The following NCK2 variants were observed in gnomAD, a reference collection of about 807,000 sequenced individuals.
The protein encoded by NCK2 is cytoplasmic protein NCK2.
A neutral mutation model predicts 33.9 loss-of-function variants in NCK2; 16 were observed. The ratio of observed to expected loss-of-function variants is 0.47; its 90% CI spans 0.32 to 0.72. The LOEUF (loss-of-function observed/expected upper bound fraction) is 0.72. NCK2 is among the 30% of genes least tolerant of loss of function. NCK2 has a pLI of 0.03. For synonymous variants in NCK2, 273 were observed against 239.9 expected (o/e 1.14, Z -1.27); for missense variants, 418 against 537.3 (o/e 0.78, Z 2.19).
chr2:105,814,112 A>G (rs1279425965), intron 1 of NCK2, among the ~76,000 whole-genome samples: 1 of 152,232 alleles, frequency 6.6e-6, no homozygotes, highest in East Asian at 1.9e-4. Flanking sequence ...GATTTCGATC[A>G]CTGATTATAA....
intron 1 of NCK2, among the ~76,000 whole-genome samples, chr2:105,757,768 T>G (rs1246814497): frequency 6.6e-6 from 1 of 152,206 alleles, no homozygotes; most frequent in Non-Finnish European, 1.5e-5. Context: ...GAAGTCCCCC[T>G]CTAACCTCTA....
intron 2 of NCK2, among the ~76,000 whole-genome samples, chr2:105,834,559 T>A (rs1676317098): frequency 6.6e-6 from 1 of 152,204 alleles, no homozygotes; most frequent in Non-Finnish European, 1.5e-5. Context: ...GTAATGTTTT[T>A]TGTAAGCAGC....
intron 2 of NCK2, among the ~76,000 whole-genome samples, chr2:105,849,747 C>T (rs1325999851): frequency 1.3e-5 from 2 of 152,160 alleles, no homozygotes; most frequent in East Asian, 1.9e-4. Context: ...GCCTGTCTTA[C>T]TCTGCAAGGA....
At chr2:105,747,286 A>C (rs1689316678) in intron 1 of NCK2, among the ~76,000 whole-genome samples, 1 of 152,252 alleles carries the variant, frequency 6.6e-6, no homozygotes, top group East Asian at 1.9e-4. Flanking sequence ...TGAGAAATGC[A>C]CTACCATCCA....
At chr2:105,835,645 T>C (rs955013829) in intron 2 of NCK2, among the ~76,000 whole-genome samples, 1 of 151,532 alleles carries the variant, frequency 6.6e-6, no homozygotes, top group African/African-American at 2.4e-5. Flanking sequence ...TTAAGGATCT[T>C]AGAGTTTCCT....
intron 2 of NCK2, among the ~76,000 whole-genome samples, chr2:105,836,794 G>A (rs1444777887): frequency 6.6e-6 from 1 of 152,132 alleles, no homozygotes; most frequent in Admixed American, 6.5e-5. Flanking sequence ...AGATGCTGGG[G>A]CCCCTAGGAG....
intron 1 of NCK2, among the ~76,000 whole-genome samples, chr2:105,780,325 T>TACACACACACAC (rs57857814): frequency 1.4e-5 from 2 of 147,362 alleles, no homozygotes; most frequent in Non-Finnish European, 3.0e-5. Flanking sequence ...GAGAGATATA[T>TACACACACACAC]ACACACACAC....
At chr2:105,882,355 C>T (rs1678541522) in intron 4 of NCK2, among the ~76,000 whole-genome samples, 1 of 152,174 alleles carries the variant, frequency 6.6e-6, no homozygotes, top group African/African-American at 2.4e-5. Context: ...ATTTTCTCTC[C>T]TGGTTGCCCA....
chr2:105,803,921 G>A (rs1348036984), intron 1 of NCK2, among the ~76,000 whole-genome samples: 1 of 152,158 alleles, frequency 6.6e-6, no homozygotes, highest in Non-Finnish European at 1.5e-5. Flanking sequence ...CCTGGTTCTG[G>A]CTGTTGCATG....
chr2:105,771,404 T>C (rs1690132200), intron 1 of NCK2, among the ~76,000 whole-genome samples: 2 of 151,628 alleles, frequency 1.3e-5, no homozygotes, highest in African/African-American at 4.8e-5. Flanking sequence ...CCGTTTCTAT[T>C]AAAAATATAA....
rs559972915 is a variant in NCK2 at position 105,747,990 on chromosome 2, C to T, written c.-201+2852C>T. 5.3e-5 allele frequency among the ~76,000 whole-genome samples: 8 copies of T among 152,294 alleles called. No homozygotes were observed. The East Asian group carries it at 1.2e-3, about 22-fold the overall frequency. On this transcript the variant is annotated intron_variant, in intron 1 of 4. Transcript: ENST00000233154. ...TCCTGCATTTTCCTTTGAACATTTC[C>T]CAAAGTATGTTTATTTCTAAAGGTA...
intron 2 of NCK2, among the ~76,000 whole-genome samples, chr2:105,833,847 T>C (rs1246172568): frequency 6.6e-6 from 1 of 152,246 alleles, no homozygotes; most frequent in African/African-American, 2.4e-5. Context: ...TTTGGTATAC[T>C]GTGTTTCCAT....
Position 105,787,098 on chromosome 2 carries a change from A to G in NCK2, c.-200-29332A>G, listed in dbSNP as rs577852436. On this transcript the variant is annotated intron_variant, in intron 1 of 4. Coordinates refer to ENST00000233154, the MANE Select transcript of NCK2 (RefSeq NM_003581.5). ...CTCTGCCCGCTGCAGGCGTGGTGGC[A>G]CTGGGCAGCTGCTGTTACTCCCACT... Among the ~76,000 whole-genome samples the G allele has an allele frequency of 8.0e-4, 122 of 152,316 alleles. 1 individual carries two copies. The highest frequency in any genetic ancestry group is 2.9e-3 in the African/African-American group (121 of 41,566).
At chr2:105,887,647 TA>T (rs1264799379) in intron 4 of NCK2, among the ~76,000 whole-genome samples, 1 of 152,200 alleles carries the variant, frequency 6.6e-6, no homozygotes, top group Non-Finnish European at 1.5e-5. Context: ...AAAATCGCAT[TA>T]ATACATAAGC....
At chr2:105,807,765 T>TCA (rs1250283380) in intron 1 of NCK2, among the ~76,000 whole-genome samples, 1 of 42,100 alleles carries the variant, frequency 2.4e-5, no homozygotes, top group Non-Finnish European at 4.5e-5. Flanking sequence ...CTCCCTCCCT[T>TCA]CTCTCCCTCC....
chr2:105,778,095 G>A (rs1276729299), intron 1 of NCK2, among the ~76,000 whole-genome samples: 1 of 152,204 alleles, frequency 6.6e-6, no homozygotes, highest in Non-Finnish European at 1.5e-5. Context: ...ATTGAGCTCT[G>A]TGAAGTGAGA....
intron 1 of NCK2, among the ~76,000 whole-genome samples, chr2:105,805,375 C>CT (rs1448245073): frequency 6.6e-6 from 1 of 152,152 alleles, no homozygotes; most frequent in African/African-American, 2.4e-5. Context: ...ACTAATTGTA[C>CT]TTTAAGAACT....
intron 1 of NCK2, among the ~76,000 whole-genome samples, chr2:105,745,441 G>A (rs912071871): frequency 6.6e-6 from 1 of 151,896 alleles, no homozygotes; most frequent in Non-Finnish European, 1.5e-5. Flanking sequence ...TCAGGGCAGG[G>A]GGCCCGGCTG....
In NCK2 at chr2:105,881,332, C is replaced by G; in HGVS notation, c.231C>G (p.Leu77=). Reference sequence around the variant, plus strand: ...AGCCTTGCTGTGTCTCCACAGGCCTCGGCAAGACGCGCAGGAAGACCAGCG... The same window carrying G: ...AGCCTTGCTGTGTCTCCACAGGCCTGGGCAAGACGCGCAGGAAGACCAGCG... ...LVKNLKDTLG[L]GKTRRKTSAR... Residue 77 remains leucine (L), a synonymous_variant, in exon 4 of 5, where the codon CTC becomes CTG. Coordinates refer to ENST00000233154, the MANE Select transcript of NCK2 (RefSeq NM_003581.5). The G allele has an allele frequency of 1.3e-6, 2 of 1,589,790 alleles. No homozygotes were observed. Among genetic ancestry groups the G allele is most frequent in the Non-Finnish European group, 1.7e-6 (2 of 1,171,546 alleles).
Sources: gnomAD v4.1 joint callset for allele counts (sites outside exome capture counted in the v4.1 genomes callset) on GRCh38, gnomAD v4.1.1 for gene constraint, MANE v1.5 for transcripts, NCBI Gene and HGNC (gene_info 2026-07-23, HGNC 2026-07-21) for gene names.